Variants in ANPEP observed in about 807,000 individuals in gnomAD.
The protein encoded by ANPEP is alanyl aminopeptidase, membrane, also known as aminopeptidase N.
ANPEP carries 70 observed loss-of-function variants against 114.6 expected under a neutral mutation model. The ratio of observed to expected loss-of-function variants is 0.61; its 90% CI spans 0.50 to 0.75. The LOEUF is 0.75. Ranked by LOEUF, ANPEP falls within the 30% of genes least tolerant of loss-of-function variation. The pLI is 0.00. For synonymous variants in ANPEP, 548 were observed against 522.3 expected (o/e 1.05, Z -0.67); for missense variants, 1,184 against 1,259.5 (o/e 0.94, Z 0.91).
intron 1 of ANPEP, among the ~76,000 whole-genome samples, chr15:89,807,483 G>C (rs1044655938): frequency 2.0e-5 from 3 of 152,130 alleles, no homozygotes; most frequent in African/African-American, 4.8e-5. Flanking sequence ...GGTGGATCAC[G>C]AGGTTAGGAG....
At chr15:89,797,868 T>A in intron 14 of ANPEP, 146 bp from the exon 15 acceptor site, 1 of 1,139,348 alleles carries the variant, frequency 8.8e-7, no homozygotes, top group Non-Finnish European at 1.3e-6. Context: ...GATTCCCAAC[T>A]GAGCCAGCTC....
rs3929141 is a variant in ANPEP at position 89,813,926 on chromosome 15, G to A, written c.-224+846C>T. 2.8e-3 allele frequency among the ~76,000 whole-genome samples: 422 copies of A among 151,582 alleles called. 3 individuals carry two copies. Among genetic ancestry groups the A allele is most frequent in the African/African-American group, 9.7e-3 (401 of 41,366 alleles). On this transcript the variant is annotated intron_variant, in intron 1 of 20. Transcript: ENST00000300060. ...GTCCAGGGGCTGAGGTGGGGGAGGA[G>A]TGGGGATCCAGTCACAAAACCCCAG...
At chr15:89,805,600 G>A (rs1894694407) in intron 2 of ANPEP, 137 bp from the exon 3 acceptor site, 13 of 1,285,706 alleles carry the variant, frequency 1.0e-5, no homozygotes, top group Middle Eastern at 2.6e-4. Flanking sequence ...TCCCACCCCC[G>A]CCTCGCCGGG....
At chr15:89,794,369 A>G (rs556532807) in intron 15 of ANPEP, among the ~76,000 whole-genome samples, 3 of 152,286 alleles carry the variant, frequency 2.0e-5, no homozygotes, top group African/African-American at 7.2e-5. Context: ...CTGTAATCCC[A>G]GCTACTCAGG....
intron 10 of ANPEP, among the ~76,000 whole-genome samples, 167 bp from the exon 11 acceptor site, chr15:89,801,774 C>T (rs1212309617): frequency 2.0e-5 from 3 of 152,224 alleles, no homozygotes; most frequent in East Asian, 1.9e-4. Context: ...CCAGCTCTGC[C>T]TCTCCTCGGC....
chr15:89,792,943 A>C, intron 16 of ANPEP, 92 bp downstream of exon 16: 1 of 1,153,164 alleles, frequency 8.7e-7, no homozygotes, highest in Non-Finnish European at 1.3e-6. Flanking sequence ...GTGCCCCCGC[A>C]TTGAGAGCTG....
intron 1 of ANPEP, among the ~76,000 whole-genome samples, chr15:89,812,744 G>A (rs1894837693): frequency 6.6e-6 from 1 of 152,078 alleles, no homozygotes; most frequent in Non-Finnish European, 1.5e-5. Context: ...TGAGGACACT[G>A]AGGCACAGAA....
chr15:89,791,130 T>A (rs1429060236), intron 18 of ANPEP, 37 bp from the exon 19 acceptor site: 7 of 1,608,320 alleles, frequency 4.4e-6, no homozygotes, highest in Non-Finnish European at 5.9e-6. Flanking sequence ...TACTGCTAAT[T>A]CAGGTGACTC....
In ANPEP at chr15:89,801,177, T is replaced by G; in HGVS notation, c.1753A>C (p.Ile585Leu). 6.2e-7 allele frequency: 1 copy of G among 1,614,084 alleles called. No individual in the cohort carries two copies. The highest frequency in any genetic ancestry group is 8.5e-7 in the Non-Finnish European group (1 of 1,180,026). ...TCTCTGATGGATGTGATGGGCACAA[T>G]CCACACGTAGCTGCAATTAAAGATC... is the stretch of plus-strand genomic sequence containing the variant. ...TRPSEFNYVWIVPITSIRDGR... is the reference protein window; with the variant it reads ...TRPSEFNYVWLVPITSIRDGR... Residue 585 changes from isoleucine (I) to leucine (L), a missense_variant, in exon 12 of 21, where the codon ATT (isoleucine) becomes CTT (leucine). Physicochemically the swap from Ile to Leu is conservative, Grantham distance 5. Coordinates refer to ENST00000300060, the MANE Select transcript of ANPEP (RefSeq NM_001150.3).
At chr15:89,811,924 T>A (rs1450454349) in intron 1 of ANPEP, among the ~76,000 whole-genome samples, 1 of 152,230 alleles carries the variant, frequency 6.6e-6, no homozygotes. Flanking sequence ...ATTTCTTCCC[T>A]GCCTATGTTT....
chr15:89,804,731 G>T, intron 4 of ANPEP, 114 bp from the exon 5 acceptor site: 2 of 1,428,096 alleles, frequency 1.4e-6, no homozygotes, highest in Non-Finnish European at 1.9e-6. Context: ...AGGGCTGGAG[G>T]CCAATCAAGC....
At chr15:89,790,850 C>T in intron 19 of ANPEP, 103 bp downstream of exon 19, 1 of 1,440,470 alleles carries the variant, frequency 6.9e-7, no homozygotes, top group Non-Finnish European at 9.4e-7. Context: ...TGATTTTTGT[C>T]CACTTCTGGT....
intron 20 of ANPEP, among the ~76,000 whole-genome samples, chr15:89,786,604 G>A (rs1968511958): frequency 6.6e-6 from 1 of 151,544 alleles, no homozygotes; most frequent in African/African-American, 2.4e-5. Context: ...GAGGTGGGGG[G>A]ATCACCTGAG....
intron 15 of ANPEP, among the ~76,000 whole-genome samples, chr15:89,794,568 AG>A (rs1034356318): frequency 6.6e-6 from 1 of 152,156 alleles, no homozygotes; most frequent in Non-Finnish European, 1.5e-5. Flanking sequence ...GACTGCAAAC[AG>A]GAAGATGAAG....
intron 20 of ANPEP, among the ~76,000 whole-genome samples, chr15:89,788,193 T>C (rs1968541071): frequency 6.6e-6 from 1 of 152,206 alleles, no homozygotes; most frequent in South Asian, 2.1e-4. Context: ...AGGTCCATGA[T>C]ATTCATCACA....
In ANPEP at chr15:89,797,827, C is replaced by T; in HGVS notation, c.2010-105G>A. On this transcript the variant is annotated intron_variant, in intron 14 of 20. Transcript: ENST00000300060. ...AAAGATGCTCCACACCCCTAGGCCC[C>T]CTGTATCCACTCCTGGAGCCGGAGG... 6 of 1,461,132 alleles carry T rather than the reference C, an allele frequency of 4.1e-6. No homozygotes were observed. The South Asian group carries it at 7.3e-5, about 18-fold the overall frequency. The allele number at this position is 1,461,132 out of a possible 1,614,324, so 90.5% of individuals were successfully genotyped here.
rs1294258018 is a variant in ANPEP, at chr15:89,803,877, C to CAGCT, written c.1293+8_1293+11dup. 1 of 1,614,038 alleles carries CAGCT rather than the reference C, an allele frequency of 6.2e-7. No individual in the cohort carries two copies. The highest frequency in any genetic ancestry group is 8.5e-7 in the Non-Finnish European group (1 of 1,179,994). On this transcript the variant is annotated intron_variant, in intron 7 of 20. Coordinates refer to ENST00000300060, the MANE Select transcript of ANPEP (RefSeq NM_001150.3). This position sits in a 1 kb window ranked among gnomAD's most constrained non-coding sequence, Gnocchi z 4.2. ...ATGCCCCCCGCACCAGACCCCTGGG[C>CAGCT]AGCTGGCTTACCAAGTTCCAGGTGG... is the stretch of plus-strand genomic sequence containing the variant.
Position 89,791,596 on chromosome 15 carries a change from C to T in ANPEP, c.2529-503G>A, listed in dbSNP as rs1428330070. On this transcript the variant is annotated intron_variant, in intron 18 of 20. Coordinates refer to ENST00000300060, the MANE Select transcript of ANPEP (RefSeq NM_001150.3). ...GGGATTACAGGCATGTGCCACCATG[C>T]CTATTTTTTTTTTTTTTTTGTATTT... 3.2e-5 allele frequency among the ~76,000 whole-genome samples: 4 copies of T among 125,274 alleles called. No homozygotes were observed. In the East Asian group the frequency reaches 7.9e-4, roughly 25 times the overall value. The allele number at this position is 125,274 out of a possible 152,430, so 82.2% of individuals were successfully genotyped here.
intron 10 of ANPEP, 123 bp from the exon 11 acceptor site, chr15:89,801,730 G>T: frequency 8.5e-7 from 1 of 1,179,876 alleles, no homozygotes; most frequent in Non-Finnish European, 1.2e-6. Context: ...CCTGGGAAGG[G>T]CACTGGGCTG....
Sources: allele counts gnomAD v4.1 joint callset (sites outside exome capture counted in the v4.1 genomes callset), GRCh38; gene constraint gnomAD v4.1.1; non-coding constraint Gnocchi (gnomAD v3.1); transcripts MANE v1.5; gene names NCBI Gene and HGNC (gene_info 2026-07-23, HGNC 2026-07-21).